Variants in TET2 observed in about 807,000 individuals in gnomAD.
TET2 encodes the protein methylcytosine dioxygenase TET2.
TET2 carries 299 observed loss-of-function variants against 142.9 expected under a neutral mutation model. The observed-to-expected ratio is 2.09, with a 90% confidence interval of 1.90 to 2.30. TET2 has a LOEUF of 2.30. Ranked by LOEUF, TET2 falls within the 30% of genes most tolerant of loss-of-function variation. TET2 has a pLI of 0.00. For missense variants in TET2, 2,418 were observed against 2,378.0 expected (o/e 1.02, Z -0.35); for synonymous variants, 819 against 849.0 (o/e 0.96, Z 0.61).
At position 105,242,840 on chromosome 4, in the gene TET2, A is replaced by T; in HGVS notation, c.3507A>T (p.Gly1169=). ...TTCTGTGGGTTTCTTTAAGGTTTGG[A>T]CAGAAGGGTAAAGCTATTAGGATTG... ...AIREIMEERF[G]QKGKAIRIER... Residue 1169 remains glycine, a synonymous_variant, in exon 5 of 11, where the codon GGA becomes GGT. Transcript: ENST00000380013. The T allele has an allele frequency of 6.4e-7, 1 of 1,551,010 alleles. No homozygotes were observed. The highest frequency in any genetic ancestry group is 1.2e-5 in the South Asian group (1 of 83,924).
At chr4:105,243,045 C>T (rs1729390297) in intron 5 of TET2, 118 bp downstream of exon 5, 4 of 796,878 alleles carry the variant, frequency 5.0e-6, no homozygotes, top group Admixed American at 2.6e-5. Flanking sequence ...AAGAACATTA[C>T]CTGTATTTTT....
intron 1 of TET2, among the ~76,000 whole-genome samples, chr4:105,179,085 G>A (rs1724972052): frequency 6.6e-6 from 1 of 152,110 alleles, no homozygotes; most frequent in Admixed American, 6.5e-5. Context: ...CAGCATGGGG[G>A]CAACTGCCCC....
At chr4:105,195,176 T>A (rs537967122) in intron 2 of TET2, among the ~76,000 whole-genome samples, 1 of 152,200 alleles carries the variant, frequency 6.6e-6, no homozygotes, top group African/African-American at 2.4e-5. Flanking sequence ...TGTTTCAGTT[T>A]CCTCATCAAA....
At position 105,278,739 on chromosome 4, in the gene TET2, A is replaced by G; in HGVS notation, c.*2220A>G. 4.3e-6 allele frequency: 1 copy of G among 232,996 alleles called. No homozygotes were observed. 14.4% of individuals were successfully genotyped at this position (232,996 alleles called of 1,614,324 possible). On this transcript the variant is annotated 3_prime_UTR_variant, in exon 11 of 11. Coordinates refer to ENST00000380013, the MANE Select transcript of TET2 (RefSeq NM_001127208.3). ...CTGTTTCAAGCAGGAAAAAAAAATT[A>G]CATGAAAATAGAATGCACTGAGTTG...
intron 6 of TET2, among the ~76,000 whole-genome samples, chr4:105,253,897 TG>T (rs1331391202): frequency 1.3e-5 from 2 of 152,206 alleles, no homozygotes; most frequent in Non-Finnish European, 2.9e-5. Context: ...TGTTGGATTT[TG>T]TAAATACTTT....
intron 2 of TET2, among the ~76,000 whole-genome samples, chr4:105,218,276 G>T (rs1022942544): frequency 1.3e-5 from 2 of 151,992 alleles, no homozygotes; most frequent in African/African-American, 4.8e-5. Context: ...GGCCAATCCA[G>T]TGTTTCTTTT....
intron 2 of TET2, among the ~76,000 whole-genome samples, chr4:105,191,308 C>T (rs2110483260): frequency 6.6e-6 from 1 of 152,264 alleles, no homozygotes; most frequent in Admixed American, 6.5e-5. Context: ...CTGAGTGTCC[C>T]AACCTAAGGG....
chr4:105,208,673 T>C (rs1315550804), intron 2 of TET2, among the ~76,000 whole-genome samples: 1 of 151,774 alleles, frequency 6.6e-6, no homozygotes, highest in Non-Finnish European at 1.5e-5. Context: ...TGAAGAAGAG[T>C]AAAATAGGAG....
chr4:105,236,928 G>A lies in TET2; in HGVS notation c.2986G>A (p.Ala996Thr), dbSNP rs2110236510. Residue 996 changes from alanine to threonine, a missense_variant, in exon 3 of 11, where the codon GCA becomes ACA. By Grantham distance (58) the Ala-to-Thr change is moderately conservative (BLOSUM62 0). Coordinates refer to ENST00000380013, the MANE Select transcript of TET2 (RefSeq NM_001127208.3). ...GCKPHACMHT[A>T]PPENKTWKKV... ...CAAGCCACATGCCTGTATGCACACA[G>A]CACCACCAGAAAACAAAACATGGAA... The A allele has an allele frequency of 6.2e-7, 1 of 1,614,090 alleles. No individual in the cohort carries two copies. The highest frequency in any genetic ancestry group is 8.5e-7 in the Non-Finnish European group (1 of 1,180,016).
At chr4:105,162,952 T>C (rs1723933379) in intron 1 of TET2, among the ~76,000 whole-genome samples, 1 of 152,166 alleles carries the variant, frequency 6.6e-6, no homozygotes, top group South Asian at 2.1e-4. Context: ...TATGCAATGA[T>C]AAACTAGTGG....
In TET2 at chr4:105,276,034, GACA is replaced by G; in HGVS notation, c.5527_5529del (p.Asn1843del). On this transcript the variant is annotated inframe_deletion, in exon 11 of 11. Transcript: ENST00000380013. ...CCAGGGTGTGGCTTCTGGTGCAGAG[GACA>G]ACGATGAGGTCTGGTCAGACAGCGA... 6.4e-7 allele frequency: 1 copy of G among 1,551,688 alleles called. No individual in the cohort carries two copies. Among genetic ancestry groups the G allele is most frequent in the Non-Finnish European group, 8.7e-7 (1 of 1,146,980 alleles).
chr4:105,263,297 AT>A (rs1303710248), intron 8 of TET2, among the ~76,000 whole-genome samples: 2 of 152,200 alleles, frequency 1.3e-5, no homozygotes, highest in Non-Finnish European at 2.9e-5. Context: ...TGTAATTCGT[AT>A]TTTGAAAAAT....
intron 2 of TET2, among the ~76,000 whole-genome samples, chr4:105,212,628 A>C (rs1265863316): frequency 6.6e-6 from 1 of 152,212 alleles, no homozygotes; most frequent in East Asian, 1.9e-4. Context: ...TTCTGGTTTA[A>C]ATGAAATTAA....
intron 1 of TET2, among the ~76,000 whole-genome samples, chr4:105,172,912 TG>T (rs1405319689): frequency 6.6e-6 from 1 of 152,202 alleles, no homozygotes; most frequent in Admixed American, 6.5e-5. Context: ...GAAATTGATA[TG>T]GGCAATTAAC....
chr4:105,180,213 G>C (rs1175386292), intron 1 of TET2, among the ~76,000 whole-genome samples: 1 of 152,106 alleles, frequency 6.6e-6, no homozygotes, highest in Non-Finnish European at 1.5e-5. Flanking sequence ...GAGTCAACTT[G>C]GCATAAAGGA....
chr4:105,236,086 A>G lies in TET2; in HGVS notation c.2144A>G (p.Asn715Ser), dbSNP rs774556296. 12 of 1,614,050 alleles carry G rather than the reference A, an allele frequency of 7.4e-6. No homozygotes were observed. The highest frequency in any genetic ancestry group is 1.0e-5 in the Non-Finnish European group (12 of 1,180,028). ...QQASETEPFS[N>S]SHLLQHKPHK... ...GCTTCAGAGACTGAGCCATTTTCAA[A>G]CTCACACCTTTTGCAACATAAGCCT... is the stretch of plus-strand genomic sequence containing the variant. Residue 715 changes from asparagine to serine, a missense_variant, in exon 3 of 11, where the codon AAC becomes AGC. Asn to Ser is a conservative substitution (Grantham distance 46). Transcript: ENST00000380013.
chr4:105,227,196 C>T (rs1160475486), intron 2 of TET2, among the ~76,000 whole-genome samples: 1 of 152,128 alleles, frequency 6.6e-6, no homozygotes, highest in African/African-American at 2.4e-5. Context: ...TAACTAAATG[C>T]AATGAGTGAA....
chr4:105,165,039 A>C (rs948898666), intron 1 of TET2, among the ~76,000 whole-genome samples: 5 of 152,146 alleles, frequency 3.3e-5, no homozygotes, highest in African/African-American at 1.2e-4. Context: ...TTTGTATCAT[A>C]TTTTCAGGAA....
intron 1 of TET2, among the ~76,000 whole-genome samples, chr4:105,156,989 A>T (rs1278807749): frequency 6.6e-6 from 1 of 152,162 alleles, no homozygotes; most frequent in East Asian, 1.9e-4. Flanking sequence ...CAGCTCTTTT[A>T]TAACTTTTCA....
Sources: gnomAD v4.1 joint callset for allele counts (sites outside exome capture counted in the v4.1 genomes callset) on GRCh38, gnomAD v4.1.1 for gene constraint, MANE v1.5 for transcripts, NCBI Gene and HGNC (gene_info 2026-07-23, HGNC 2026-07-21) for gene names.